Variants in ITPR2 observed in about 807,000 individuals in gnomAD.
ITPR2 encodes inositol 1,4,5-trisphosphate receptor type 2.
In ITPR2, 207 loss-of-function variants were observed where a neutral mutation model predicts 317.1. The ratio of observed to expected loss-of-function variants is 0.65; its 90% CI spans 0.58 to 0.73. The LOEUF (loss-of-function observed/expected upper bound fraction) is 0.73, where lower values mean the gene tolerates loss of function less well. ITPR2 is among the 30% of genes least tolerant of loss of function. The probability of loss-of-function intolerance (pLI) is 0.00; values close to 1 mark genes in which losing one functional copy is unlikely to be tolerated. For synonymous variants in ITPR2, 1,156 were observed against 1,149.1 expected (o/e 1.01, Z -0.12); for missense variants, 2,613 against 3,284.0 (o/e 0.80, Z 4.99).
In ITPR2 at chr12:26,338,346, G is replaced by T. The variant is rs1280175458; in HGVS notation, c.*1051C>A. 1 of 152,586 alleles carries T rather than the reference G, an allele frequency of 6.6e-6. No individual in the cohort carries two copies. The highest frequency in any genetic ancestry group is 1.5e-5 in the Non-Finnish European group (1 of 68,032). 9.5% of individuals were successfully genotyped at this position (152,586 alleles called of 1,614,324 possible). ...CAGATACAGTTTTAAATATGTAATT[G>T]AAATGTGGCATTTTCTTGAGTATTC... On this transcript the variant is annotated 3_prime_UTR_variant, in exon 57 of 57. Transcript: ENST00000381340.
chr12:26,607,229 A>C (rs1203476207), intron 26 of ITPR2, among the ~76,000 whole-genome samples: 1 of 152,192 alleles, frequency 6.6e-6, no homozygotes, highest in Non-Finnish European at 1.5e-5. Context: ...CCAGTCAGTG[A>C]CACCATAAAC....
chr12:26,515,192 G>A (rs577768551), intron 37 of ITPR2, among the ~76,000 whole-genome samples: 139 of 152,276 alleles, frequency 9.1e-4, no homozygotes, highest in African/African-American at 3.0e-3. Context: ...TAGGAGCTTT[G>A]CATCATTTAT....
chr12:26,807,175 C>G (rs1392943170), intron 1 of ITPR2, among the ~76,000 whole-genome samples: 1 of 151,282 alleles, frequency 6.6e-6, no homozygotes, highest in Non-Finnish European at 1.5e-5. Context: ...GGTAACAGAG[C>G]AAGACTCTGT....
intron 1 of ITPR2, among the ~76,000 whole-genome samples, chr12:26,809,905 T>C (rs1042257584): frequency 6.6e-6 from 1 of 152,234 alleles, no homozygotes; most frequent in Non-Finnish European, 1.5e-5. Context: ...CTTTGCACAT[T>C]AAGTCATAAT....
intron 55 of ITPR2, among the ~76,000 whole-genome samples, chr12:26,386,427 T>C (rs1039757730): frequency 6.6e-6 from 1 of 152,192 alleles, no homozygotes; most frequent in African/African-American, 2.4e-5. Context: ...TATTGACAGG[T>C]AAGGTAAACT....
chr12:26,439,046 A>G (rs780400692), intron 47 of ITPR2, 81 bp downstream of exon 47: 155 of 832,846 alleles, frequency 1.9e-4, no homozygotes, highest in Non-Finnish European at 4.0e-5. Flanking sequence ...AACAATTTAA[A>G]TGAGCTGCAT....
At position 26,514,223 on chromosome 12, in the gene ITPR2, A is replaced by C. The variant is rs73085300; in HGVS notation, c.5074-18963T>G. 1.7e-3 allele frequency among the ~76,000 whole-genome samples: 266 copies of C among 152,320 alleles called. 1 individual carries two copies. Among genetic ancestry groups the C allele is most frequent in the Middle Eastern group, 0.01 (3 of 292 alleles). On this transcript the variant is annotated intron_variant, in intron 37 of 56. Coordinates refer to ENST00000381340, the MANE Select transcript of ITPR2 (RefSeq NM_002223.4). ...TTAAAAAAAGAAAGAGTTTAGAAAAAGGGAGGGAAAAGAAGAAAGGGTAAA... is the reference window on the plus strand; with the variant it reads ...TTAAAAAAAGAAAGAGTTTAGAAAACGGGAGGGAAAAGAAGAAAGGGTAAA...
intron 2 of ITPR2, among the ~76,000 whole-genome samples, chr12:26,780,603 G>A (rs151073762): frequency 3.3e-5 from 5 of 152,252 alleles, no homozygotes; most frequent in African/African-American, 7.2e-5. Context: ...CAATTACAAT[G>A]CCAACTAGGT....
intron 37 of ITPR2, among the ~76,000 whole-genome samples, chr12:26,528,581 C>T (rs138123840): frequency 6.6e-6 from 1 of 152,330 alleles, no homozygotes; most frequent in Non-Finnish European, 1.5e-5. Flanking sequence ...ATGTTGATTA[C>T]ATCTTATGTC....
Position 26,562,400 on chromosome 12 carries a change from G to A in ITPR2, c.4631-448C>T, listed in dbSNP as rs117171129. On this transcript the variant is annotated intron_variant, in intron 34 of 56. Coordinates refer to ENST00000381340, the MANE Select transcript of ITPR2 (RefSeq NM_002223.4). Reference sequence around the variant, plus strand: ...GAGAATAGAAATAACAAGTTGAAGAGTGTAAAACATCTGCATTGGAAGAGG... The same window carrying A: ...GAGAATAGAAATAACAAGTTGAAGAATGTAAAACATCTGCATTGGAAGAGG... Among the ~76,000 whole-genome samples, 187 of 152,330 alleles carry A rather than the reference G, an allele frequency of 1.2e-3. 1 individual carries two copies. In the East Asian group the frequency reaches 0.033, roughly 27 times the overall value.
At chr12:26,723,380 C>A (rs1948868420) in intron 4 of ITPR2, among the ~76,000 whole-genome samples, 1 of 152,148 alleles carries the variant, frequency 6.6e-6, no homozygotes, top group South Asian at 2.1e-4. Flanking sequence ...ATGGGCTGGA[C>A]TTTGGGATCC....
intron 45 of ITPR2, among the ~76,000 whole-genome samples, chr12:26,466,945 T>C (rs1247004736): frequency 6.6e-6 from 1 of 152,190 alleles, no homozygotes; most frequent in Non-Finnish European, 1.5e-5. Flanking sequence ...TTAAAACCCT[T>C]CAAAGATATT....
At chr12:26,748,247 C>G (rs1191115447) in intron 2 of ITPR2, among the ~76,000 whole-genome samples, 1 of 152,028 alleles carries the variant, frequency 6.6e-6, no homozygotes. Flanking sequence ...TTAGTAGAGA[C>G]AGGGTTTCAT....
chr12:26,701,162 T>C (rs1413771448), intron 9 of ITPR2, among the ~76,000 whole-genome samples: 1 of 149,104 alleles, frequency 6.7e-6, no homozygotes, highest in Non-Finnish European at 1.5e-5. Flanking sequence ...GAGAGAAACA[T>C]CATAAATACC....
At chr12:26,371,156 G>A (rs1053132587) in intron 55 of ITPR2, among the ~76,000 whole-genome samples, 4 of 152,186 alleles carry the variant, frequency 2.6e-5, no homozygotes, top group Non-Finnish European at 5.9e-5. Context: ...TGTTTGAGGA[G>A]AGAGGATAAA....
At chr12:26,753,770 G>C (rs1035965174) in intron 2 of ITPR2, among the ~76,000 whole-genome samples, 3 of 152,178 alleles carry the variant, frequency 2.0e-5, no homozygotes, top group Non-Finnish European at 4.4e-5. Flanking sequence ...CAAAACACAG[G>C]CTTTGGACAC....
At position 26,574,966 on chromosome 12, in the gene ITPR2, T is replaced by A. The variant is rs867488448; in HGVS notation, c.4630+3747A>T. Among the ~76,000 whole-genome samples, 6 of 151,804 alleles carry A rather than the reference T, an allele frequency of 4.0e-5. No homozygotes were observed. In the South Asian group the frequency reaches 6.3e-4, roughly 16 times the overall value. On this transcript the variant is annotated intron_variant, in intron 34 of 56. Transcript: ENST00000381340. ...CCAGACCCCACCTCCAACGTCGGAATCCCATTTCCACATGAGATCTGGAGG... is the reference window on the plus strand; with the variant it reads ...CCAGACCCCACCTCCAACGTCGGAAACCCATTTCCACATGAGATCTGGAGG...
rs565644754 is a variant in ITPR2, at chr12:26,350,400, C to T, written c.7858-10072G>A. On this transcript the variant is annotated intron_variant, in intron 55 of 56. Coordinates refer to ENST00000381340, the MANE Select transcript of ITPR2 (RefSeq NM_002223.4). ...ACTTCTGCAGCGGGCATCCTGGGGGCGAGAGGCACTGTATGTACTAGCCCT... is the reference window on the plus strand; with the variant it reads ...ACTTCTGCAGCGGGCATCCTGGGGGTGAGAGGCACTGTATGTACTAGCCCT... 3.3e-5 allele frequency among the ~76,000 whole-genome samples: 5 copies of T among 152,120 alleles called. No homozygotes were observed. In the East Asian group the frequency reaches 5.8e-4, roughly 18 times the overall value.
rs1467437836 is a variant in ITPR2, at chr12:26,660,752, G to A, written c.1714-1467C>T. ...TTCATGACTACTGTAGTCATACTCT[G>A]GTACAAGGCAAACATCCAAAAATGT... is the stretch of plus-strand genomic sequence containing the variant. On this transcript the variant is annotated intron_variant, in intron 15 of 56. Coordinates refer to ENST00000381340, the MANE Select transcript of ITPR2 (RefSeq NM_002223.4). Among the ~76,000 whole-genome samples, 4 of 151,850 alleles carry A rather than the reference G, an allele frequency of 2.6e-5. No individual in the cohort carries two copies. In the East Asian group the frequency reaches 7.7e-4, roughly 29 times the overall value.
Sources: gnomAD v4.1 joint callset for allele counts (sites outside exome capture counted in the v4.1 genomes callset) on GRCh38, gnomAD v4.1.1 for gene constraint, MANE v1.5 for transcripts, NCBI Gene and HGNC (gene_info 2026-07-23, HGNC 2026-07-21) for gene names.